The following EDN3 variants were observed in gnomAD, a reference collection of about 807,000 sequenced individuals.
EDN3 encodes the protein endothelin 3.
EDN3 carries 9 observed loss-of-function variants against 21.4 expected under a neutral mutation model. That is an observed-to-expected ratio of 0.42 (90% CI 0.25 to 0.73). The LOEUF is 0.73. Among genes scored for constraint, EDN3 ranks in the 30% least tolerant of loss-of-function variants. The probability of loss-of-function intolerance (pLI) is 0.26; values close to 1 mark genes in which losing one functional copy is unlikely to be tolerated. For synonymous variants in EDN3, 133 were observed against 126.2 expected (o/e 1.05, Z -0.36); for missense variants, 327 against 309.4 (o/e 1.06, Z -0.43).
At chr20:59,315,306 A>C (rs974350086) in intron 2 of EDN3, among the ~76,000 whole-genome samples, 2 of 152,246 alleles carry the variant, frequency 1.3e-5, no homozygotes, top group East Asian at 3.8e-4. Context: ...ACTGTCTGCC[A>C]GTGGGAAACA....
chr20:59,309,388 T>G (rs552835818), intron 2 of EDN3, among the ~76,000 whole-genome samples: 10 of 152,306 alleles, frequency 6.6e-5, no homozygotes, highest in Middle Eastern at 3.4e-3. Context: ...GGGGCACCAG[T>G]AGCCTCACTT....
At chr20:59,320,591 A>C (rs553729801) in intron 2 of EDN3, among the ~76,000 whole-genome samples, 1 of 152,308 alleles carries the variant, frequency 6.6e-6, no homozygotes, top group South Asian at 2.1e-4. Flanking sequence ...CGGAGGAGCT[A>C]GGCCGGCCGT....
At position 59,303,102 on chromosome 20, in the gene EDN3, G is replaced by A. The variant is rs1044653597; in HGVS notation, c.365+1380G>A. ...CCTGCACTCAGAAAGACTCTGGCTC[G>A]GCTTAAAGTCCTGCTGTCACTGTCT... On this transcript the variant is annotated intron_variant, in intron 2 of 4. Transcript: ENST00000337938. Among the ~76,000 whole-genome samples the A allele has an allele frequency of 6.6e-5, 10 of 152,284 alleles. No homozygotes were observed. In the South Asian group the frequency reaches 1.5e-3, roughly 22 times the overall value.
At chr20:59,308,324 T>G (rs1344769389) in intron 2 of EDN3, among the ~76,000 whole-genome samples, 1 of 152,202 alleles carries the variant, frequency 6.6e-6, no homozygotes. Flanking sequence ...CTTCTTGGTG[T>G]GGTTACGGGA....
chr20:59,307,825 T>G (rs1310408793), intron 2 of EDN3, among the ~76,000 whole-genome samples: 1 of 151,814 alleles, frequency 6.6e-6, no homozygotes, highest in Non-Finnish European at 1.5e-5. Flanking sequence ...CACAGGTGCG[T>G]GTCACCATGC....
At chr20:59,302,756 C>G (rs1989135854) in intron 2 of EDN3, among the ~76,000 whole-genome samples, 1 of 152,124 alleles carries the variant, frequency 6.6e-6, no homozygotes, top group African/African-American at 2.4e-5. Context: ...ATGCAAGCCC[C>G]TGGAAGCCTG....
At chr20:59,314,287 G>T (rs1027242875) in intron 2 of EDN3, among the ~76,000 whole-genome samples, 7 of 152,204 alleles carry the variant, frequency 4.6e-5, no homozygotes, top group African/African-American at 1.7e-4. Context: ...AACAGCTGGG[G>T]AGACTACAAG....
rs781768805 is a variant in EDN3 at position 59,300,854 on chromosome 20, C to T, written c.42C>T (p.Thr14=). The change falls in exon 1 of 5, where the codon ACC becomes ACT. Residue 14 remains threonine, a synonymous_variant. Coordinates refer to ENST00000337938, the MANE Select transcript of EDN3 (RefSeq NM_207034.3). ...GLWLLFGLTV[T]SAAGFVPCSQ... ...GGCTCCTTTTCGGGCTCACAGTGAC[C>T]TCCGCCGCAGGTAAGCGCACGGGGC... 1 of 1,611,214 alleles carries T rather than the reference C, an allele frequency of 6.2e-7. No homozygotes were observed. The highest frequency in any genetic ancestry group is 8.5e-7 in the Non-Finnish European group (1 of 1,179,672).
At chr20:59,319,743 GAAAAAAAA>G (rs1377366421) in intron 2 of EDN3, among the ~76,000 whole-genome samples, 1 of 137,708 alleles carries the variant, frequency 7.3e-6, no homozygotes, top group African/African-American at 2.9e-5. Context: ...AAAAAAAAAA[GAAAAAAAA>G]GAAAAAAAGA....
intron 2 of EDN3, among the ~76,000 whole-genome samples, chr20:59,309,920 G>T (rs564704309): frequency 6.6e-6 from 1 of 152,286 alleles, no homozygotes; most frequent in Admixed American, 6.5e-5. Context: ...GGGACTTGAG[G>T]CTGGAAGGCA....
chr20:59,320,244 C>G, intron 2 of EDN3, among the ~76,000 whole-genome samples: 1 of 152,252 alleles, frequency 6.6e-6, no homozygotes, highest in East Asian at 1.9e-4. Context: ...AGTGTTCCTT[C>G]TGATGTTTGT....
intron 2 of EDN3, among the ~76,000 whole-genome samples, chr20:59,308,617 A>G (rs566738178): frequency 6.6e-6 from 1 of 152,226 alleles, no homozygotes; most frequent in Non-Finnish European, 1.5e-5. Flanking sequence ...ATAGCACTCT[A>G]TGAGGAAAGA....
intron 2 of EDN3, among the ~76,000 whole-genome samples, chr20:59,303,335 G>T (rs1989176694): frequency 6.6e-6 from 1 of 152,154 alleles, no homozygotes. Flanking sequence ...CTTATCCTCA[G>T]ATAGCGAGGG....
chr20:59,321,618 A>G (rs576532769), intron 3 of EDN3, among the ~76,000 whole-genome samples: 7 of 152,188 alleles, frequency 4.6e-5, no homozygotes, highest in East Asian at 3.8e-4. Context: ...AGGGGGGGGA[A>G]CCCAGCACGT....
At chr20:59,310,771 C>T (rs1348870693) in intron 2 of EDN3, among the ~76,000 whole-genome samples, 1 of 151,916 alleles carries the variant, frequency 6.6e-6, no homozygotes, top group African/African-American at 2.4e-5. Context: ...CCGACAGACG[C>T]AACCAAAAAC....
intron 2 of EDN3, among the ~76,000 whole-genome samples, chr20:59,311,732 C>T (rs1989828180): frequency 1.3e-5 from 2 of 151,662 alleles, no homozygotes; most frequent in Non-Finnish European, 2.9e-5. Context: ...CCTCCCGTCT[C>T]ATCCAATGAG....
rs745960314 is a variant in EDN3, at chr20:59,300,875, G to T, written c.52+11G>T. On this transcript the variant is annotated intron_variant, in intron 1 of 4. Coordinates refer to ENST00000337938, the MANE Select transcript of EDN3 (RefSeq NM_207034.3). ...TGACCTCCGCCGCAGGTAAGCGCACGGGGCGGCGCGCCTCTCCTGGCGCGA... is the reference window on the plus strand; with the variant it reads ...TGACCTCCGCCGCAGGTAAGCGCACTGGGCGGCGCGCCTCTCCTGGCGCGA... 1.9e-6 allele frequency: 3 copies of T among 1,609,914 alleles called. No homozygotes were observed. Among genetic ancestry groups the T allele is most frequent in the Non-Finnish European group, 2.5e-6 (3 of 1,179,338 alleles).
intron 2 of EDN3, among the ~76,000 whole-genome samples, chr20:59,319,674 C>T (rs1200205542): frequency 2.8e-5 from 4 of 144,028 alleles, no homozygotes; most frequent in Non-Finnish European, 4.5e-5. Flanking sequence ...TGCAGTGAGC[C>T]GAGATCGTGC....
chr20:59,315,908 A>G (rs770225362), intron 2 of EDN3, among the ~76,000 whole-genome samples: 1 of 152,166 alleles, frequency 6.6e-6, no homozygotes, highest in Non-Finnish European at 1.5e-5. Flanking sequence ...GATTTAACAA[A>G]AAACACTATG....
Sources: gnomAD v4.1 joint callset for allele counts (sites outside exome capture counted in the v4.1 genomes callset) on GRCh38, gnomAD v4.1.1 for gene constraint, MANE v1.5 for transcripts, NCBI Gene and HGNC (gene_info 2026-07-23, HGNC 2026-07-21) for gene names.